The following RGS6 variants were observed in gnomAD, a reference collection of about 807,000 sequenced individuals.
RGS6 encodes regulator of G protein signaling 6.
In RGS6, 30 loss-of-function variants were observed where a neutral mutation model predicts 78.5. That is an observed-to-expected ratio of 0.38 (90% CI 0.29 to 0.52). The LOEUF is 0.52. Among genes scored for constraint, RGS6 ranks in the 20% least tolerant of loss-of-function variants. The pLI, the probability that RGS6 is intolerant of heterozygous loss-of-function variation, is 0.85. For synonymous variants in RGS6, 206 were observed against 206.0 expected (o/e 1.00, Z 0.00); for missense variants, 495 against 609.7 (o/e 0.81, Z 1.98).
intron 1 of RGS6, among the ~76,000 whole-genome samples, chr14:71,961,469 G>A (rs1225022076): frequency 6.6e-6 from 1 of 152,116 alleles, no homozygotes; most frequent in Non-Finnish European, 1.5e-5. Flanking sequence ...CACTATGCTG[G>A]GGCTATGGTG....
intron 2 of RGS6, among the ~76,000 whole-genome samples, chr14:72,013,153 G>A (rs2086152227): frequency 6.6e-6 from 1 of 150,908 alleles, no homozygotes; most frequent in South Asian, 2.1e-4. Context: ...TGCCTGTAAT[G>A]CCAACTACTC....
At chr14:72,154,552 G>A (rs992898748) in intron 2 of RGS6, among the ~76,000 whole-genome samples, 1 of 152,134 alleles carries the variant, frequency 6.6e-6, no homozygotes, top group African/African-American at 2.4e-5. Context: ...ACTTAATCAG[G>A]GTAAGGGCAG....
chr14:72,060,544 C>G (rs2093844325), intron 2 of RGS6, among the ~76,000 whole-genome samples: 1 of 152,092 alleles, frequency 6.6e-6, no homozygotes, highest in African/African-American at 2.4e-5. Flanking sequence ...ATTTATTAAT[C>G]TTATCTTGTT....
chr14:72,004,039 C>T (rs1476469886), intron 2 of RGS6, among the ~76,000 whole-genome samples: 7 of 152,142 alleles, frequency 4.6e-5, no homozygotes, highest in East Asian at 3.9e-4. Flanking sequence ...AAAAATACTA[C>T]GCCTGATTTA....
At chr14:72,367,476 T>G (rs1057261733) in intron 3 of RGS6, among the ~76,000 whole-genome samples, 4 of 152,108 alleles carry the variant, frequency 2.6e-5, no homozygotes, top group Non-Finnish European at 5.9e-5. Context: ...CCTACCAGCC[T>G]CCTCTTGCTT....
chr14:72,192,198 G>A (rs140227542), intron 2 of RGS6, among the ~76,000 whole-genome samples: 1 of 152,308 alleles, frequency 6.6e-6, no homozygotes, highest in Non-Finnish European at 1.5e-5. Context: ...TATCAGATCT[G>A]GAGACATGAA....
intron 2 of RGS6, among the ~76,000 whole-genome samples, chr14:72,127,505 T>C (rs960104484): frequency 6.6e-6 from 1 of 152,186 alleles, no homozygotes; most frequent in African/African-American, 2.4e-5. Flanking sequence ...AACAGTGTTT[T>C]CTAAGAGAAC....
chr14:72,152,253 T>A (rs1042965003), intron 2 of RGS6, among the ~76,000 whole-genome samples: 71 of 151,464 alleles, frequency 4.7e-4, no homozygotes, highest in African/African-American at 1.4e-3. Flanking sequence ...AGAGTGTGTG[T>A]GTGTGTGTGT....
At chr14:72,202,510 T>A (rs2041795595) in intron 2 of RGS6, among the ~76,000 whole-genome samples, 5 of 152,176 alleles carry the variant, frequency 3.3e-5, no homozygotes, top group Admixed American at 3.3e-4. Flanking sequence ...AGGAAGAACT[T>A]ACACAACCAA....
intron 2 of RGS6, among the ~76,000 whole-genome samples, chr14:72,302,140 G>C (rs535584101): frequency 6.6e-6 from 1 of 152,342 alleles, no homozygotes; most frequent in East Asian, 1.9e-4. Flanking sequence ...AGGTGGAAGA[G>C]GTGATACTTG....
chr14:72,373,034 G>A (rs2083839529), intron 3 of RGS6, among the ~76,000 whole-genome samples: 1 of 152,102 alleles, frequency 6.6e-6, no homozygotes. Context: ...TGTGACTCTT[G>A]GAGGGTCAAG....
intron 3 of RGS6, 25 bp from the exon 4 acceptor site, chr14:72,454,503 A>T: frequency 6.2e-7 from 1 of 1,613,032 alleles, no homozygotes; most frequent in Non-Finnish European, 8.5e-7. Context: ...GGAGGTCTTC[A>T]GCTGAAATTG....
At chr14:72,541,315 G>C (rs1205988117) in intron 17 of RGS6, 1 of 863,728 alleles carries the variant, frequency 1.2e-6, no homozygotes, top group East Asian at 1.2e-4. Context: ...ACGTGTCGTA[G>C]CTAGATGCAT....
intron 2 of RGS6, among the ~76,000 whole-genome samples, chr14:72,343,676 C>T (rs2247090): frequency 2.0e-5 from 3 of 152,004 alleles, no homozygotes; most frequent in Non-Finnish European, 4.4e-5. Context: ...TAGGTGAGCC[C>T]GGGCCACCCT....
At chr14:71,929,690 G>C (rs192282958), upstream of RGS6, among the ~76,000 whole-genome samples, 20 of 152,092 alleles carry the variant, frequency 1.3e-4, 1 homozygote, top group Admixed American at 1.2e-3. Context: ...TGATGATTCT[G>C]GCCTGAATCA....
chr14:72,455,020 A>G (rs1462675461), intron 4 of RGS6, among the ~76,000 whole-genome samples: 1 of 152,172 alleles, frequency 6.6e-6, no homozygotes, highest in Non-Finnish European at 1.5e-5. Context: ...TTCAACTTTA[A>G]TTGCGCATTT....
chr14:72,580,831 A>G, the RGS6 span, among the ~76,000 whole-genome samples: 1 of 152,202 alleles, frequency 6.6e-6, no homozygotes, highest in South Asian at 2.1e-4. Flanking sequence ...CCTGGGCCTC[A>G]GGAGTGAGCA....
intron 17 of RGS6, among the ~76,000 whole-genome samples, chr14:72,560,804 G>A (rs1223967404): frequency 5.4e-5 from 5 of 92,964 alleles, no homozygotes; most frequent in African/African-American, 4.4e-4. Context: ...GGACGTGTGT[G>A]TGTGTGTGTG....
chr14:72,395,906 C>T (rs1309786327), intron 3 of RGS6, among the ~76,000 whole-genome samples: 4 of 152,024 alleles, frequency 2.6e-5, no homozygotes, highest in Non-Finnish European at 5.9e-5. Context: ...TGTATATGTG[C>T]CACATTTTCT....
Sources: allele counts gnomAD v4.1 joint callset (sites outside exome capture counted in the v4.1 genomes callset), GRCh38; gene constraint gnomAD v4.1.1; transcripts MANE v1.5; gene names NCBI Gene and HGNC (gene_info 2026-07-23, HGNC 2026-07-21).